Variants in ZNF860 observed in about 807,000 individuals in gnomAD.
ZNF860 encodes zinc finger protein 860.
For synonymous variants in ZNF860, 206 were observed against 248.9 expected (o/e 0.83, Z 1.62); for missense variants, 641 against 759.2 (o/e 0.84, Z 1.83).
At chr3:31,999,576 G>A in the ZNF860 span, among the ~76,000 whole-genome samples, 1 of 151,850 alleles carries the variant, frequency 6.6e-6, no homozygotes, top group East Asian at 1.9e-4. Context: ...TTTTAGGCTG[G>A]TCTCGAACTT....
chr3:31,995,542 G>C (rs1036943053), downstream of ZNF860, among the ~76,000 whole-genome samples: 39 of 152,176 alleles, frequency 2.6e-4, no homozygotes, highest in African/African-American at 8.4e-4. Flanking sequence ...TCTTTTTCAA[G>C]GTGCACTGAC....
downstream of ZNF860, among the ~76,000 whole-genome samples, chr3:31,995,106 A>C (rs1446885769): frequency 3.9e-5 from 6 of 152,232 alleles, no homozygotes; most frequent in African/African-American, 1.4e-4. Flanking sequence ...CAAGGACAAA[A>C]TCAGAACTCC....
chr3:31,997,665 G>C, the ZNF860 span, among the ~76,000 whole-genome samples: 1 of 151,930 alleles, frequency 6.6e-6, no homozygotes, highest in Admixed American at 6.6e-5. Context: ...CAAATAGTCT[G>C]CTTACCACAA....
In ZNF860 at chr3:31,989,801, G is replaced by C. The variant is rs1698998019; in HGVS notation, c.722G>C (p.Cys241Ser). ...QCNESGKAFN[C>S]SSLLRKHQII... is the part of the protein sequence containing the mutation. ...AATGAGAGTGGCAAAGCCTTTAATT[G>C]TAGCTCACTCTTAAGGAAACATCAG... Residue 241 changes from cysteine (C) to serine (S), a missense_variant, in exon 2 of 2, where the codon TGT (cysteine) becomes TCT (serine). Coordinates refer to ENST00000360311, the MANE Select transcript of ZNF860 (RefSeq NM_001137674.3). 6.2e-7 allele frequency: 1 copy of C among 1,614,130 alleles called. No homozygotes were observed. The highest frequency in any genetic ancestry group is 2.2e-5 in the East Asian group (1 of 44,866).
chr3:32,002,407 A>T, the ZNF860 span, among the ~76,000 whole-genome samples: 1 of 152,354 alleles, frequency 6.6e-6, no homozygotes, highest in African/African-American at 2.4e-5. Context: ...GAGGAATGGA[A>T]TTTAAGTGAA....
At chr3:31,982,448 C>A (rs904449316) in intron 1 of ZNF860, among the ~76,000 whole-genome samples, 2 of 152,058 alleles carry the variant, frequency 1.3e-5, no homozygotes, top group Admixed American at 6.5e-5. Flanking sequence ...ATAAATACTT[C>A]AAGAGTTAAA....
the ZNF860 span, among the ~76,000 whole-genome samples, chr3:32,004,391 T>C: frequency 1.3e-5 from 2 of 152,172 alleles, no homozygotes; most frequent in African/African-American, 4.8e-5. Flanking sequence ...CCAGGAAGGA[T>C]TGCATATTAA....
downstream of ZNF860, among the ~76,000 whole-genome samples, chr3:31,994,541 G>A (rs538052836): frequency 6.6e-6 from 1 of 152,192 alleles, no homozygotes; most frequent in Non-Finnish European, 1.5e-5. Context: ...TGGATGGTCT[G>A]CCAGCCTAAC....
chr3:31,992,959 T>C (rs1455886430), downstream of ZNF860, among the ~76,000 whole-genome samples: 1 of 152,090 alleles, frequency 6.6e-6, no homozygotes, highest in Admixed American at 6.5e-5. Flanking sequence ...GCTGTGATCA[T>C]GCCACTGCAC....
intron 1 of ZNF860, among the ~76,000 whole-genome samples, chr3:31,983,401 A>G (rs77989523): frequency 0.012 from 1,868 of 152,338 alleles, 42 homozygotes; most frequent in East Asian, 0.04. Context: ...TATGCAGCCA[A>G]CCTAAGACTG....
chr3:31,983,748 T>C (rs578208379), intron 1 of ZNF860, among the ~76,000 whole-genome samples: 67 of 152,312 alleles, frequency 4.4e-4, no homozygotes, highest in Non-Finnish European at 6.2e-4. Context: ...TACCGTAGTA[T>C]AGCAAATAGG....
At chr3:31,997,380 T>C in the ZNF860 span, among the ~76,000 whole-genome samples, 1 of 151,678 alleles carries the variant, frequency 6.6e-6, no homozygotes, top group Non-Finnish European at 1.5e-5. Flanking sequence ...TCCTCGTGCC[T>C]CAGCCTCCCA....
At position 31,989,368 on chromosome 3, in the gene ZNF860, A is replaced by T; in HGVS notation, c.289A>T (p.Ile97Phe). 1.2e-6 allele frequency: 2 copies of T among 1,614,216 alleles called. No individual in the cohort carries two copies. Among genetic ancestry groups the T allele is most frequent in the Non-Finnish European group, 1.7e-6 (2 of 1,180,036 alleles). ...ATTAGAAAGACATGAAAGTCATCAC[A>T]TTGGAGATTTTTGCTTCCAGAAAAT... ...GTLERHESHH[I>F]GDFCFQKIGK... The change falls in exon 2 of 2, where the codon ATT becomes TTT. Residue 97 changes from isoleucine (I) to phenylalanine (F), a missense_variant. Transcript: ENST00000360311.
intron 1 of ZNF860, among the ~76,000 whole-genome samples, chr3:31,982,303 T>TCA (rs1698866793): frequency 6.6e-6 from 1 of 152,220 alleles, no homozygotes; most frequent in Non-Finnish European, 1.5e-5. Context: ...TCCATTGTAA[T>TCA]CTGAAGTATC....
intron 1 of ZNF860, among the ~76,000 whole-genome samples, chr3:31,988,415 G>A (rs531843096): frequency 9.2e-5 from 14 of 152,272 alleles, no homozygotes; most frequent in Admixed American, 2.0e-4. Context: ...AAAAAAATTT[G>A]TGGCCAGAGG....
At chr3:31,996,909 A>G in the ZNF860 span, among the ~76,000 whole-genome samples, 3 of 152,202 alleles carry the variant, frequency 2.0e-5, no homozygotes, top group Admixed American at 1.3e-4. Flanking sequence ...TTGGAGAACT[A>G]AAGCCAAGCT....
chr3:31,996,925 C>T, the ZNF860 span, among the ~76,000 whole-genome samples: 1 of 152,078 alleles, frequency 6.6e-6, no homozygotes, highest in South Asian at 2.1e-4. Context: ...AAGCTTCTAC[C>T]CTTCTTCCCA....
downstream of ZNF860, among the ~76,000 whole-genome samples, chr3:31,993,183 T>C (rs1177097525): frequency 5.4e-5 from 8 of 147,640 alleles, no homozygotes; most frequent in African/African-American, 1.7e-4. Context: ...TTTTATTTTA[T>C]TTTATTTTAT....
Position 31,990,351 on chromosome 3 carries a change from A to T in ZNF860, c.1272A>T (p.Arg424Ser). 1 of 1,614,126 alleles carries T rather than the reference A, an allele frequency of 6.2e-7. No individual in the cohort carries two copies. The change falls in exon 2 of 2, where the codon AGA becomes AGT. Residue 424 changes from arginine (R) to serine (S), a missense_variant. Transcript: ENST00000360311. Reference protein sequence around the residue: ...ANHWRIHNEERSYKCNKCGKF... With the variant: ...ANHWRIHNEESSYKCNKCGKF... ...ATTGGAGAATCCATAATGAAGAGAG[A>T]TCTTACAAGTGTAATAAATGTGGCA...
Sources: gnomAD v4.1 joint callset for allele counts (sites outside exome capture counted in the v4.1 genomes callset) on GRCh38, gnomAD v4.1.1 for gene constraint, MANE v1.5 for transcripts, NCBI Gene and HGNC (gene_info 2026-07-23, HGNC 2026-07-21) for gene names.